Variants in SEMA3A observed in about 807,000 individuals in gnomAD.
SEMA3A encodes the protein semaphorin-3A.
SEMA3A carries 29 observed loss-of-function variants against 97.9 expected under a neutral mutation model. The ratio of observed to expected loss-of-function variants is 0.30; its 90% CI spans 0.22 to 0.40. The LOEUF (loss-of-function observed/expected upper bound fraction) is 0.40, where lower values mean the gene tolerates loss of function less well. Ranked by LOEUF, SEMA3A falls within the 10% of genes least tolerant of loss-of-function variation. The probability of loss-of-function intolerance (pLI) is 1.00; values close to 1 mark genes in which losing one functional copy is unlikely to be tolerated. For synonymous variants in SEMA3A, 321 were observed against 323.7 expected, an observed-to-expected ratio of 0.99 and a Z score of 0.09; for missense variants, 763 against 951.3, an observed-to-expected ratio of 0.80 and a Z score of 2.60.
At position 84,012,917 on chromosome 7, in the gene SEMA3A, A is replaced by T. The variant is rs1455985772; in HGVS notation, c.810+1292T>A. Among the ~76,000 whole-genome samples the T allele has an allele frequency of 2.0e-5, 3 of 152,066 alleles. No individual in the cohort carries two copies. The East Asian group carries it at 5.8e-4, about 29-fold the overall frequency. Reference sequence around the variant, plus strand: ...CCTTAGAGATTTTTTTTAAGCCTTGAAAGTAGTGCTTTTAAATATGACATG... The same window carrying T: ...CCTTAGAGATTTTTTTTAAGCCTTGTAAGTAGTGCTTTTAAATATGACATG... On this transcript the variant is annotated intron_variant, in intron 7 of 16. Transcript: ENST00000265362.
chr7:84,202,753 TTG>T (rs762930124), intron 3 of SEMA3A, among the ~76,000 whole-genome samples: 4 of 152,220 alleles, frequency 2.6e-5, no homozygotes, highest in Non-Finnish European at 5.9e-5. Context: ...GCGCCAGTCT[TTG>T]TGACTTACAA....
intron 4 of SEMA3A, among the ~76,000 whole-genome samples, chr7:84,067,578 A>T (rs1391482561): frequency 6.6e-6 from 1 of 152,188 alleles, no homozygotes; most frequent in Non-Finnish European, 1.5e-5. Context: ...ATTTACAAGA[A>T]AAAAACAAAC....
chr7:84,009,327 T>G (rs948770710), intron 9 of SEMA3A, among the ~76,000 whole-genome samples: 1 of 152,210 alleles, frequency 6.6e-6, no homozygotes, highest in African/African-American at 2.4e-5. Context: ...TCTGGTTTTC[T>G]TTTTTTCCAA....
chr7:84,337,949 C>T (rs1040989947), intron 2 of SEMA3A, among the ~76,000 whole-genome samples: 45 of 151,840 alleles, frequency 3.0e-4, no homozygotes, highest in African/African-American at 1.0e-3. Context: ...AATGATAAAC[C>T]CCACTGGTCA....
intron 2 of SEMA3A, among the ~76,000 whole-genome samples, chr7:84,332,086 T>C (rs547839791): frequency 6.6e-6 from 1 of 152,272 alleles, no homozygotes; most frequent in Admixed American, 6.5e-5. Context: ...TTAAGTTACT[T>C]ATTTTTTACC....
rs144033304 is a variant in SEMA3A, at chr7:84,191,562, T to C, written c.112+2913A>G. Among the ~76,000 whole-genome samples the C allele has an allele frequency of 3.9e-3, 597 of 151,992 alleles. 9 individuals carry two copies. The highest frequency in any genetic ancestry group is 0.014 in the African/African-American group (569 of 41,558). ...ATCACATATCCCAAATGGAAGATTA[T>C]ATGATTTTCCTGTATTTCATGAGAA... On this transcript the variant is annotated intron_variant, in intron 1 of 16. Coordinates refer to ENST00000265362, the MANE Select transcript of SEMA3A (RefSeq NM_006080.3).
At chr7:84,240,314 C>T (rs556742199) in intron 3 of SEMA3A, among the ~76,000 whole-genome samples, 1 of 151,580 alleles carries the variant, frequency 6.6e-6, no homozygotes, top group African/African-American at 2.4e-5. Flanking sequence ...CTTTGAGTGG[C>T]GAAGTTTTGC....
At chr7:84,075,360 A>C (rs1793907026) in intron 4 of SEMA3A, among the ~76,000 whole-genome samples, 1 of 150,974 alleles carries the variant, frequency 6.6e-6, no homozygotes, top group Non-Finnish European at 1.5e-5. Flanking sequence ...TTTTTAGTAG[A>C]GACGGCCAGG....
intron 1 of SEMA3A, among the ~76,000 whole-genome samples, chr7:84,398,368 G>A (rs191458362): frequency 1.2e-4 from 18 of 152,216 alleles, no homozygotes; most frequent in Admixed American, 1.0e-3. Flanking sequence ...TATTATTGTA[G>A]CACGTGACAT....
At chr7:84,090,165 T>C (rs981719597) in intron 4 of SEMA3A, among the ~76,000 whole-genome samples, 1 of 152,124 alleles carries the variant, frequency 6.6e-6, no homozygotes, top group Non-Finnish European at 1.5e-5. Context: ...GGAGTAATTT[T>C]ATGCAGTCCC....
At chr7:84,358,498 C>G (rs1268654318) in intron 2 of SEMA3A, among the ~76,000 whole-genome samples, 1 of 152,042 alleles carries the variant, frequency 6.6e-6, no homozygotes, top group African/African-American at 2.4e-5. Flanking sequence ...TGGTCTCTGT[C>G]TCTGTTTTGG....
At chr7:84,430,789 TTG>T (rs56814153) in intron 1 of SEMA3A, among the ~76,000 whole-genome samples, 10,149 of 143,086 alleles carry the variant, frequency 0.071, 632 homozygotes, top group East Asian at 0.19. Flanking sequence ...AACATAAAAT[TTG>T]TGTGTGTGTG....
At chr7:84,346,750 A>C (rs1802309383) in intron 2 of SEMA3A, among the ~76,000 whole-genome samples, 1 of 152,216 alleles carries the variant, frequency 6.6e-6, no homozygotes, top group African/African-American at 2.4e-5. Flanking sequence ...ATAGGGAAAA[A>C]CTTTAAAATA....
intron 1 of SEMA3A, among the ~76,000 whole-genome samples, chr7:84,193,080 T>C (rs901336557): frequency 5.3e-5 from 8 of 152,004 alleles, no homozygotes; most frequent in African/African-American, 1.7e-4. Flanking sequence ...ATAAGTACAA[T>C]TGCACTTCTG....
chr7:83,968,031 A>G (rs971266614), intron 15 of SEMA3A, among the ~76,000 whole-genome samples: 6 of 152,134 alleles, frequency 3.9e-5, no homozygotes, highest in African/African-American at 1.4e-4. Context: ...TTCTTTATTA[A>G]AGCAAACAGC....
chr7:84,123,413 G>A (rs1226535832), intron 3 of SEMA3A, among the ~76,000 whole-genome samples: 1 of 151,794 alleles, frequency 6.6e-6, no homozygotes, highest in African/African-American at 2.4e-5. Context: ...TAACAGCAAT[G>A]GAAAAATTCA....
chr7:84,245,378 A>G (rs765265589), intron 3 of SEMA3A, among the ~76,000 whole-genome samples: 7 of 151,706 alleles, frequency 4.6e-5, no homozygotes, highest in African/African-American at 1.2e-4. Flanking sequence ...TACTTGATCA[A>G]TTTGGCTATT....
rs562525904 is a variant in SEMA3A, at chr7:84,406,338, G to T, written c.-245-34438C>A. Among the ~76,000 whole-genome samples, 481 of 152,200 alleles carry T rather than the reference G, an allele frequency of 3.2e-3. 1 individual carries two copies. Among genetic ancestry groups the T allele is most frequent in the African/African-American group, 0.01 (429 of 41,526 alleles). On this transcript the variant is annotated intron_variant, in intron 1 of 3. Transcript: ENST00000424555. ...TTCCTTGACACATACACCCTCCCAA[G>T]ACTAAACCAGGAAGAAGCTGAATCT...
rs781527620 is a variant in SEMA3A, at chr7:84,319,325, AG to A, written c.-168-12034del. On this transcript the variant is annotated intron_variant, in intron 2 of 3. Transcript: ENST00000424555. ...CCAGAGTGCTCAGCTCATTGGTGCT[AG>A]GCTCTAAGAAAGGGCAATTTTTGTA... is the stretch of plus-strand genomic sequence containing the variant. 3.9e-5 allele frequency among the ~76,000 whole-genome samples: 6 copies of A among 152,300 alleles called. No homozygotes were observed. In the East Asian group the frequency reaches 9.6e-4, roughly 24 times the overall value.
Sources: gnomAD v4.1 joint callset for allele counts (sites outside exome capture counted in the v4.1 genomes callset) on GRCh38, gnomAD v4.1.1 for gene constraint, MANE v1.5 for transcripts, NCBI Gene and HGNC (gene_info 2026-07-23, HGNC 2026-07-21) for gene names.